The following USH2A variants were observed in gnomAD, a reference collection of about 807,000 sequenced individuals.
USH2A encodes Usher syndrome 2A (autosomal recessive, mild).
A neutral mutation model predicts 538.9 loss-of-function variants in USH2A; 443 were observed. The observed-to-expected ratio is 0.82, with a 90% CI of 0.76 to 0.89. USH2A has a LOEUF of 0.89. Among genes scored for constraint, USH2A ranks in the 40% least tolerant of loss-of-function variants. The pLI is 0.00. For missense variants in USH2A, 6,633 were observed against 6,324.8 expected (o/e 1.05, Z -1.65); for synonymous variants, 2,413 against 2,273.5 (o/e 1.06, Z -1.75).
rs2034468879 is a variant in USH2A, at chr1:216,180,349, A to G, written c.4397-4867T>C. Among the ~76,000 whole-genome samples the G allele has an allele frequency of 2.0e-5, 3 of 152,142 alleles. No individual in the cohort carries two copies. The South Asian group carries it at 6.2e-4, about 31-fold the overall frequency. ...AAAAGTACAAAATTCTTGTACTTTT[A>G]AAATAGCACTTGTATTTTTTAATAG... On this transcript the variant is annotated intron_variant, in intron 20 of 71. Coordinates refer to ENST00000307340, the MANE Select transcript of USH2A (RefSeq NM_206933.4).
chr1:215,836,778 G>T (rs895962109), intron 47 of USH2A, among the ~76,000 whole-genome samples: 2 of 148,912 alleles, frequency 1.3e-5, no homozygotes, highest in Non-Finnish European at 3.0e-5. Context: ...GGATGGTCTC[G>T]ATCTCCTGAG....
At chr1:216,218,230 T>C (rs2035382495) in intron 14 of USH2A, among the ~76,000 whole-genome samples, 1 of 152,162 alleles carries the variant, frequency 6.6e-6, no homozygotes. Flanking sequence ...AAGATAACTT[T>C]AGTGCAACTT....
chr1:216,174,870 C>T (rs778758076), intron 21 of USH2A: 59 of 1,041,752 alleles, frequency 5.7e-5, no homozygotes, highest in South Asian at 6.7e-5. Context: ...GTTTCAGTAA[C>T]GGGGTGCATA....
intron 6 of USH2A, among the ~76,000 whole-genome samples, chr1:216,324,637 T>C (rs1473977169): frequency 1.3e-5 from 2 of 152,132 alleles, no homozygotes; most frequent in Non-Finnish European, 2.9e-5. Context: ...TATAGAGACT[T>C]CTTAATTTAG....
At chr1:215,816,692 C>T (rs1662865272) in intron 48 of USH2A, among the ~76,000 whole-genome samples, 1 of 152,000 alleles carries the variant, frequency 6.6e-6, no homozygotes. Flanking sequence ...TATAAACAAA[C>T]ACCTATTTGT....
chr1:215,816,997 C>A lies in USH2A; in HGVS notation c.9570G>T (p.Lys3190Asn), dbSNP rs184447051. Residue 3190 changes from lysine to asparagine, a missense_variant and splice_region_variant, in exon 48 of 72, where the codon AAG becomes AAT. By Grantham distance (94) the Lys-to-Asn change is moderately conservative. Transcript: ENST00000307340. ...CGHICYSSEA[K>N]VCCNGVLYNP... Reference sequence around the variant, plus strand: ...CACTGATTAGTTAGAAAAGACTTACCTTAGCTTCAGAAGAATAGCAAATGT... The same window carrying A: ...CACTGATTAGTTAGAAAAGACTTACATTAGCTTCAGAAGAATAGCAAATGT... The A allele has an allele frequency of 6.2e-7, 1 of 1,612,156 alleles. No individual in the cohort carries two copies. The highest frequency in any genetic ancestry group is 1.3e-5 in the African/African-American group (1 of 74,944).
chr1:215,715,485 C>T (rs1659457770), intron 61 of USH2A, among the ~76,000 whole-genome samples: 1 of 152,158 alleles, frequency 6.6e-6, no homozygotes. Context: ...TGGGTTGTGA[C>T]ACTTGATTTA....
At chr1:215,876,010 G>T (rs993462703) in intron 43 of USH2A, among the ~76,000 whole-genome samples, 20 of 149,514 alleles carry the variant, frequency 1.3e-4, no homozygotes, top group African/African-American at 4.2e-4. Flanking sequence ...GGGGGGAAGG[G>T]TTCCTCCACT....
chr1:215,968,330 T>A (rs1049112535), intron 36 of USH2A, among the ~76,000 whole-genome samples: 1 of 151,582 alleles, frequency 6.6e-6, no homozygotes, highest in South Asian at 2.1e-4. Context: ...TCATTGTGGG[T>A]TTTTTTTGTT....
intron 16 of USH2A, among the ~76,000 whole-genome samples, chr1:216,203,212 C>T (rs1393293064): frequency 1.3e-5 from 2 of 150,720 alleles, no homozygotes; most frequent in Admixed American, 6.6e-5. Flanking sequence ...TATATATATA[C>T]ACACACATAC....
At chr1:216,266,562 G>C (rs2036476980) in intron 11 of USH2A, among the ~76,000 whole-genome samples, 1 of 152,026 alleles carries the variant, frequency 6.6e-6, no homozygotes, top group South Asian at 2.1e-4. Flanking sequence ...GAGTAATATA[G>C]TTCCAGCAAA....
chr1:216,226,921 C>T (rs1220981140), intron 14 of USH2A, among the ~76,000 whole-genome samples: 2 of 152,138 alleles, frequency 1.3e-5, no homozygotes, highest in Middle Eastern at 3.2e-3. Flanking sequence ...GGTAGACTGT[C>T]TCTTCTCAGT....
chr1:215,825,002 G>A (rs570108188), intron 47 of USH2A, among the ~76,000 whole-genome samples: 1 of 152,158 alleles, frequency 6.6e-6, no homozygotes, highest in South Asian at 2.1e-4. Context: ...ATTTGTTTCT[G>A]TTTTCTGTGG....
chr1:216,151,153 C>T (rs911482816), intron 21 of USH2A, among the ~76,000 whole-genome samples: 1 of 152,132 alleles, frequency 6.6e-6, no homozygotes, highest in Non-Finnish European at 1.5e-5. Flanking sequence ...TCGAACCTCC[C>T]CCTCTACGCA....
At chr1:216,143,939 G>A (rs940470583) in intron 21 of USH2A, among the ~76,000 whole-genome samples, 7 of 152,188 alleles carry the variant, frequency 4.6e-5, no homozygotes, top group East Asian at 1.9e-4. Flanking sequence ...CCAGACTGCC[G>A]TTTTGACTAT....
At chr1:215,764,773 A>G (rs764877917) in intron 56 of USH2A, among the ~76,000 whole-genome samples, 3 of 152,170 alleles carry the variant, frequency 2.0e-5, no homozygotes, top group Non-Finnish European at 4.4e-5. Flanking sequence ...ACTTTACAGT[A>G]AAACAACAGA....
chr1:216,023,409 A>G (rs1668883919), intron 32 of USH2A, among the ~76,000 whole-genome samples: 1 of 140,150 alleles, frequency 7.1e-6, no homozygotes. Flanking sequence ...TTTTTATGTA[A>G]CCCCCAAACA....
rs551472116 is a variant in USH2A, at chr1:215,657,608, G to A, written c.14134-6807C>T. On this transcript the variant is annotated intron_variant, in intron 64 of 71. Transcript: ENST00000307340. ...GTCACACTTTTACAGATATAGTCCCGTTTTCCAGGTTCCCTTCATCTAAAA... is the reference window on the plus strand; with the variant it reads ...GTCACACTTTTACAGATATAGTCCCATTTTCCAGGTTCCCTTCATCTAAAA... Among the ~76,000 whole-genome samples, 6 of 152,212 alleles carry A rather than the reference G, an allele frequency of 3.9e-5. No homozygotes were observed. The South Asian group carries it at 8.3e-4, about 21-fold the overall frequency.
Position 215,845,848 on chromosome 1 carries a change from G to A in USH2A, c.9031C>T (p.Leu3011Phe). The A allele has an allele frequency of 1.9e-6, 3 of 1,613,824 alleles. No individual in the cohort carries two copies. The highest frequency in any genetic ancestry group is 2.5e-6 in the Non-Finnish European group (3 of 1,179,864). The change falls in exon 45 of 72, where the codon CTT (leucine) becomes TTT (phenylalanine). Residue 3011 changes from leucine (L) to phenylalanine (F), a missense_variant. By Grantham distance (22) the Leu-to-Phe change is conservative. Coordinates refer to ENST00000307340, the MANE Select transcript of USH2A (RefSeq NM_206933.4). The part of the protein sequence containing the change: ...NGVHSINSAG[L>F]HATTCDGEPQ... Reference sequence around the variant, plus strand: ...CCCCCATCGCAAGTGGTTGCATGAAGTCCTGCACTGTTGATGCTGTGGACT... The same window carrying A: ...CCCCCATCGCAAGTGGTTGCATGAAATCCTGCACTGTTGATGCTGTGGACT...
Sources: allele counts gnomAD v4.1 joint callset (sites outside exome capture counted in the v4.1 genomes callset), GRCh38; gene constraint gnomAD v4.1.1; transcripts MANE v1.5; gene names NCBI Gene and HGNC (gene_info 2026-07-23, HGNC 2026-07-21).